The following CHD6 variants were observed in gnomAD, a reference collection of about 807,000 sequenced individuals.
CHD6 encodes the protein chromodomain helicase DNA binding protein 6, also known as ATP-dependent chromatin remodeler CHD6.
In CHD6, 50 loss-of-function variants were observed where a neutral mutation model predicts 276.9. That is an observed-to-expected ratio of 0.18 (90% CI 0.14 to 0.23). The LOEUF (loss-of-function observed/expected upper bound fraction) is 0.23. CHD6 is among the 10% of genes least tolerant of loss of function. The pLI, the probability that CHD6 is intolerant of heterozygous loss-of-function variation, is 1.00. For synonymous variants in CHD6, 1,173 were observed against 1,229.3 expected (o/e 0.95, Z 0.96); for missense variants, 2,564 against 3,365.8 (o/e 0.76, Z 5.89).
chr20:41,552,062 T>C (rs186780994), intron 1 of CHD6, among the ~76,000 whole-genome samples: 2 of 152,152 alleles, frequency 1.3e-5, no homozygotes, highest in Non-Finnish European at 2.9e-5. Flanking sequence ...GGTACAAAAG[T>C]GTGTCGGGGC....
At chr20:41,451,196 C>G in intron 22 of CHD6, 91 bp from the exon 23 acceptor site, 2 of 1,157,392 alleles carry the variant, frequency 1.7e-6, no homozygotes, top group South Asian at 2.8e-5. Flanking sequence ...TTTGTTAGAA[C>G]AGAGTTGGGC....
intron 1 of CHD6, among the ~76,000 whole-genome samples, chr20:41,616,100 C>T (rs1043360139): frequency 6.6e-6 from 1 of 152,092 alleles, no homozygotes; most frequent in African/African-American, 2.4e-5. Context: ...ACATAACTGC[C>T]AAAGGTTCTT....
chr20:41,446,211 G>C (rs2048063843), intron 24 of CHD6, among the ~76,000 whole-genome samples: 1 of 152,150 alleles, frequency 6.6e-6, no homozygotes, highest in African/African-American at 2.4e-5. Context: ...TCAGTATGTT[G>C]CCTCAACAAG....
chr20:41,516,606 G>C (rs2044258982), intron 3 of CHD6, among the ~76,000 whole-genome samples: 1 of 152,164 alleles, frequency 6.6e-6, no homozygotes, highest in Non-Finnish European at 1.5e-5. Context: ...CTGTGCTCTT[G>C]ATCATAGCAT....
chr20:41,587,126 T>A (rs1455423277), intron 1 of CHD6, among the ~76,000 whole-genome samples: 1 of 152,216 alleles, frequency 6.6e-6, no homozygotes, highest in African/African-American at 2.4e-5. Flanking sequence ...TCATAGGCTA[T>A]AAGATTGACA....
chr20:41,543,173 T>C (rs1343450477), intron 2 of CHD6, among the ~76,000 whole-genome samples: 1 of 151,452 alleles, frequency 6.6e-6, no homozygotes, highest in Admixed American at 6.6e-5. Flanking sequence ...ATTAGGAAGA[T>C]ACTAAGCTTA....
At chr20:41,591,407 C>CACACACACAT (rs1398296795) in intron 1 of CHD6, among the ~76,000 whole-genome samples, 1 of 134,308 alleles carries the variant, frequency 7.4e-6, no homozygotes, top group Admixed American at 7.5e-5. Context: ...CACACACACA[C>CACACACACAT]ATATATATAT....
At position 41,491,603 on chromosome 20, in the gene CHD6, C is replaced by G. The variant is rs2043557188; in HGVS notation, c.1436+95G>C. On this transcript the variant is annotated intron_variant, in intron 11 of 36. Transcript: ENST00000373233. ...CCTAAATTGATGGCCATGCTGCTCCCTCTCACCAGTCTGCTACTGCGACTC... is the reference window on the plus strand; with the variant it reads ...CCTAAATTGATGGCCATGCTGCTCCGTCTCACCAGTCTGCTACTGCGACTC... The G allele has an allele frequency of 1.5e-5, 21 of 1,419,798 alleles. No individual in the cohort carries two copies. In the South Asian group the frequency reaches 2.3e-4, roughly 15 times the overall value. 88.0% of individuals were successfully genotyped at this position (1,419,798 alleles called of 1,614,324 possible).
At chr20:41,448,392 C>T (rs767344513) in intron 23 of CHD6, among the ~76,000 whole-genome samples, 3 of 152,162 alleles carry the variant, frequency 2.0e-5, no homozygotes, top group Non-Finnish European at 4.4e-5. Context: ...TGAATAAAGG[C>T]AAGTGTCTAT....
At position 41,491,724 on chromosome 20, in the gene CHD6, G is replaced by C; in HGVS notation, c.1410C>G (p.Asn470Lys). The change falls in exon 11 of 37, where the codon AAC (asparagine) becomes AAG (lysine). Residue 470 changes from asparagine (N) to lysine (K), a missense_variant. By Grantham distance (94) the Asn-to-Lys change is moderately conservative (BLOSUM62 0). This residue lies in a region of CHD6 where 457 missense variants were observed against 889.0 expected (regional missense o/e 0.51). Transcript: ENST00000373233. ...TGTTATACCAGTTAAAAAGAAGCCA[G>C]TTCATCCCTTCCAGCTGGTACTCCC... ...QLREYQLEGMNWLLFNWYNRK... is the reference protein window; with the variant it reads ...QLREYQLEGMKWLLFNWYNRK... 1 of 1,613,840 alleles carries C rather than the reference G, an allele frequency of 6.2e-7. No homozygotes were observed. The highest frequency in any genetic ancestry group is 8.5e-7 in the Non-Finnish European group (1 of 1,179,830).
rs183400610 is a variant in CHD6 at position 41,572,183 on chromosome 20, G to A, written c.-23-20823C>T. On this transcript the variant is annotated intron_variant, in intron 1 of 36. Coordinates refer to ENST00000373233, the MANE Select transcript of CHD6 (RefSeq NM_032221.5). ...AGAATTCCTCCTTTACAGAGCACAT[G>A]ATGCTAAACCTGGTCAGCAGAGGCA... 2.9e-4 allele frequency among the ~76,000 whole-genome samples: 44 copies of A among 152,320 alleles called. No homozygotes were observed. The East Asian group carries it at 7.7e-3, about 27-fold the overall frequency.
chr20:41,414,968 C>A (rs993211184), intron 34 of CHD6: 2 of 1,394,266 alleles, frequency 1.4e-6, no homozygotes, highest in Non-Finnish European at 1.9e-6. Flanking sequence ...GACCTCCTGG[C>A]TCATTTCTCC....
chr20:41,508,307 AGT>A (rs2044028575), intron 5 of CHD6, among the ~76,000 whole-genome samples: 2 of 152,322 alleles, frequency 1.3e-5, no homozygotes, highest in South Asian at 2.1e-4. Context: ...GTAAACAGGT[AGT>A]GTGTAGCCAC....
chr20:41,474,914 T>C (rs773857372), intron 16 of CHD6, among the ~76,000 whole-genome samples: 2 of 152,196 alleles, frequency 1.3e-5, no homozygotes, highest in Admixed American at 6.5e-5. Flanking sequence ...AATACAACCA[T>C]ACCTAAAATT....
At chr20:41,582,412 T>C (rs557063005) in intron 1 of CHD6, among the ~76,000 whole-genome samples, 69 of 152,302 alleles carry the variant, frequency 4.5e-4, no homozygotes, top group African/African-American at 1.5e-3. Context: ...TTTATAATAA[T>C]TGAAAATAGT....
At position 41,489,862 on chromosome 20, in the gene CHD6, T is replaced by C. The variant is rs2043507375; in HGVS notation, c.1596A>G (p.Thr532=). ...CGTGGTACACAATGGCATTCATCTCTGTCCATGTCCGGAACTCCCGCTCCC... is the reference window on the plus strand; with the variant it reads ...CGTGGTACACAATGGCATTCATCTCCGTCCATGTCCGGAACTCCCGCTCCC... The part of the protein sequence containing the change: ...TNWEREFRTW[T]EMNAIVYHGS... The change falls in exon 12 of 37, where the codon ACA becomes ACG. Residue 532 remains threonine, a synonymous_variant. Transcript: ENST00000373233. 1 of 1,614,000 alleles carries C rather than the reference T, an allele frequency of 6.2e-7. No homozygotes were observed. Among genetic ancestry groups the C allele is most frequent in the South Asian group, 1.1e-5 (1 of 91,066 alleles).
At chr20:41,447,083 C>T (rs530732320) in intron 24 of CHD6, among the ~76,000 whole-genome samples, 1 of 152,192 alleles carries the variant, frequency 6.6e-6, no homozygotes, top group South Asian at 2.1e-4. Flanking sequence ...TGCTGAGGAG[C>T]CTGGCTCTGA....
At chr20:41,413,006 A>C (rs1261674624) in intron 35 of CHD6, among the ~76,000 whole-genome samples, 2 of 152,216 alleles carry the variant, frequency 1.3e-5, no homozygotes, top group African/African-American at 2.4e-5. Flanking sequence ...AGTTTATGCA[A>C]CCTAAAGATT....
chr20:41,592,934 T>A (rs889204027), intron 1 of CHD6, among the ~76,000 whole-genome samples: 1 of 152,092 alleles, frequency 6.6e-6, no homozygotes, highest in Non-Finnish European at 1.5e-5. Context: ...ATCTAAAACG[T>A]GCCCCTCCAA....
Sources: allele counts gnomAD v4.1 joint callset (sites outside exome capture counted in the v4.1 genomes callset), GRCh38; gene constraint gnomAD v4.1.1; regional missense constraint gnomAD v4.1.1; transcripts MANE v1.5; gene names NCBI Gene and HGNC (gene_info 2026-07-23, HGNC 2026-07-21).